NR1I2: variants seen among roughly 807,000 people sequenced by gnomAD.
The protein encoded by NR1I2 is orphan nuclear receptor PAR1.
Under a neutral mutation model 43.3 loss-of-function variants are expected in NR1I2, and 42 were observed. That is an observed-to-expected ratio of 0.97 (90% CI 0.76 to 1.26). The LOEUF is 1.26. NR1I2 is among the 50% of genes most tolerant of loss of function. The pLI is 0.00. For synonymous variants in NR1I2, 229 were observed against 215.0 expected (o/e 1.06, Z -0.57); for missense variants, 559 against 566.7 (o/e 0.99, Z 0.14).
intron 1 of NR1I2, among the ~76,000 whole-genome samples, chr3:119,806,279 G>C (rs771363281): frequency 1.3e-4 from 20 of 152,006 alleles, no homozygotes; most frequent in Admixed American, 2.0e-4. Context: ...CTTGAGTACA[G>C]CTCAATTTTT....
intron 1 of NR1I2, among the ~76,000 whole-genome samples, chr3:119,784,273 C>T (rs1577265777): frequency 3.3e-5 from 5 of 152,282 alleles, no homozygotes; most frequent in African/African-American, 1.2e-4. Context: ...CAAATGACAA[C>T]CCATTATTTC....
Position 119,815,380 on chromosome 3 carries a change from A to C in NR1I2, c.995A>C (p.Lys332Thr), listed in dbSNP as rs765294571. The change falls in exon 7 of 9, where the codon AAG becomes ACG. Residue 332 changes from lysine (K) to threonine (T), a missense_variant. Lys to Thr is a moderately conservative substitution (Grantham distance 78). This residue lies in a region of NR1I2 where 323 missense variants were observed against 312.2 expected (regional missense o/e 1.03). Coordinates refer to ENST00000393716, the MANE Select transcript of NR1I2 (RefSeq NM_003889.4). Reference sequence around the variant, plus strand: ...CTGAAATTCCACTACATGCTGAAGAAGCTGCAGCTGCATGAGGAGGAGTAT... The same window carrying C: ...CTGAAATTCCACTACATGCTGAAGACGCTGCAGCTGCATGAGGAGGAGTAT... The C allele has an allele frequency of 6.2e-7, 1 of 1,613,800 alleles. No individual in the cohort carries two copies. Among genetic ancestry groups the C allele is most frequent in the African/African-American group, 1.3e-5 (1 of 75,042 alleles).
chr3:119,817,664 C>T lies in NR1I2; in HGVS notation c.*452C>T, dbSNP rs1577289117. The T allele has an allele frequency of 1.2e-5, 13 of 1,118,766 alleles. No individual in the cohort carries two copies. The South Asian group carries it at 2.8e-4, about 24-fold the overall frequency. The allele number at this position is 1,118,766 out of a possible 1,614,324, so 69.3% of individuals were successfully genotyped here. A position where few individuals can be genotyped will look rare whatever the true frequency, so the allele number is the denominator to read the frequency against. On this transcript the variant is annotated 3_prime_UTR_variant, in exon 9 of 9. Coordinates refer to ENST00000393716, the MANE Select transcript of NR1I2 (RefSeq NM_003889.4). ...ATTGCTACCTCTAATAGTCCTGTCT[C>T]CCACTTCCCACTCGTTCCCCTCCTC...
chr3:119,811,571 C>T lies in NR1I2; in HGVS notation c.364C>T (p.Arg122Trp), dbSNP rs533749078. Residue 122 changes from arginine (R) to tryptophan (W), a missense_variant, in exon 4 of 9, where the codon CGG becomes TGG. Transcript: ENST00000393716. ...GTCCGACGAGGCCGTGGAGGAGAGG[C>T]GGGCCTTGATCAAGCGGAAGAAAAG... 6 of 1,613,462 alleles carry T rather than the reference C, an allele frequency of 3.7e-6. No individual in the cohort carries two copies. The highest frequency in any genetic ancestry group is 1.7e-5 in the Admixed American group (1 of 59,930).
At chr3:119,798,564 C>T (rs927392470) in intron 1 of NR1I2, among the ~76,000 whole-genome samples, 6 of 145,676 alleles carry the variant, frequency 4.1e-5, no homozygotes, top group African/African-American at 1.6e-4. Context: ...GGCGTGAACC[C>T]GGGGGGCGGA....
chr3:119,815,920 T>C (rs2055322407), intron 8 of NR1I2, 89 bp downstream of exon 8: 4 of 1,132,542 alleles, frequency 3.5e-6, no homozygotes, highest in Non-Finnish European at 5.2e-6. Context: ...GGCCAGAGGG[T>C]GGCATCTGGA....
At chr3:119,801,570 C>A (rs2107962428) in intron 1 of NR1I2, among the ~76,000 whole-genome samples, 1 of 152,356 alleles carries the variant, frequency 6.6e-6, no homozygotes, top group Middle Eastern at 3.4e-3. Context: ...GGGCTGGCTC[C>A]CCCATCACCA....
At chr3:119,787,580 A>G (rs2054858419) in intron 1 of NR1I2, among the ~76,000 whole-genome samples, 1 of 151,636 alleles carries the variant, frequency 6.6e-6, no homozygotes, top group Non-Finnish European at 1.5e-5. Context: ...CCTGCATCTT[A>G]GAAATTCAGT....
chr3:119,792,861 G>A (rs1003290412), intron 1 of NR1I2, among the ~76,000 whole-genome samples: 3 of 151,898 alleles, frequency 2.0e-5, no homozygotes, highest in Non-Finnish European at 4.4e-5. Context: ...GGTGACAGAG[G>A]AAGACTCCGT....
At chr3:119,804,128 T>C (rs2055118143) in intron 1 of NR1I2, among the ~76,000 whole-genome samples, 1 of 150,984 alleles carries the variant, frequency 6.6e-6, no homozygotes, top group African/African-American at 2.4e-5. Context: ...TCCCAGCACT[T>C]TGGGAGGCCA....
At chr3:119,806,253 G>A (rs2055159083) in intron 1 of NR1I2, among the ~76,000 whole-genome samples, 1 of 152,086 alleles carries the variant, frequency 6.6e-6, no homozygotes, top group Non-Finnish European at 1.5e-5. Flanking sequence ...GGTGGAAGTT[G>A]CCTGGGGAGG....
intron 1 of NR1I2, among the ~76,000 whole-genome samples, chr3:119,784,565 T>G (rs924654237): frequency 5.9e-5 from 9 of 152,224 alleles, no homozygotes; most frequent in Admixed American, 5.9e-4. Flanking sequence ...ATCTGTTAGT[T>G]TCCCTCTTTC....
chr3:119,792,493 C>T (rs2054934421), intron 1 of NR1I2: 4 of 1,078,856 alleles, frequency 3.7e-6, no homozygotes, highest in Non-Finnish European at 5.6e-6. Context: ...AGCTCTCTCG[C>T]TCTTGGAACA....
chr3:119,807,374 C>T lies in NR1I2; in HGVS notation c.124C>T (p.Arg42Cys), dbSNP rs776219511. The T allele has an allele frequency of 8.7e-6, 14 of 1,614,148 alleles. No individual in the cohort carries two copies. Among genetic ancestry groups the T allele is most frequent in the East Asian group, 4.5e-5 (2 of 44,882 alleles). ...GGAAGTCGGAGGTCCCCAAATCTGC[C>T]GTGTATGTGGGGACAAGGCCACTGG... The change falls in exon 2 of 9, where the codon CGT becomes TGT. Residue 42 changes from arginine to cysteine, a missense_variant. Physicochemically the swap from Arg to Cys is radical, Grantham distance 180. Around this residue, in one of 3 missense-constraint regions of NR1I2, gnomAD observed 232 missense variants for 236.6 expected, o/e 0.98. Coordinates refer to ENST00000393716, the MANE Select transcript of NR1I2 (RefSeq NM_003889.4).
rs2055352898 is a variant in NR1I2, at chr3:119,817,953, C to A, written c.*741C>A. 3 of 983,898 alleles carry A rather than the reference C, an allele frequency of 3.0e-6. No homozygotes were observed. The highest frequency in any genetic ancestry group is 3.6e-6 in the Non-Finnish European group (3 of 829,538). The allele number at this position is 983,898 out of a possible 1,614,324, so 60.9% of individuals were successfully genotyped here. A position where few individuals can be genotyped will look rare whatever the true frequency, so the allele number is the denominator to read the frequency against. The stretch of plus-strand genomic sequence containing the variant: ...CTCACAGAGTTTATAGTTAAAAAAA[C>A]AAACAGAAACACAAACGATTTGGAT... On this transcript the variant is annotated 3_prime_UTR_variant, in exon 9 of 9. Coordinates refer to ENST00000393716, the MANE Select transcript of NR1I2 (RefSeq NM_003889.4).
chr3:119,782,441 TCTC>T, intron 1 of NR1I2, 141 bp downstream of exon 1: 1 of 328,854 alleles, frequency 3.0e-6, no homozygotes, highest in Non-Finnish European at 5.9e-6. Flanking sequence ...CTTGCTGCTG[TCTC>T]CTCATTTCTA....
rs765529027 is a variant in NR1I2 at position 119,812,693 on chromosome 3, G to T, written c.527G>T (p.Gly176Val). 1.9e-6 allele frequency: 3 copies of T among 1,613,808 alleles called. No individual in the cohort carries two copies. The Admixed American group carries it at 5.0e-5, about 27-fold the overall frequency. Reference sequence around the variant, plus strand: ...TCCTGGCATGTGTCCTAGCTGCCAGGGGTGCTTAGCAGTGGCTGCGAGTTG... The same window carrying T: ...TCCTGGCATGTGTCCTAGCTGCCAGTGGTGCTTAGCAGTGGCTGCGAGTTG... The change falls in exon 5 of 9, where the codon GGG becomes GTG. Residue 176 changes from glycine (G) to valine (V), a missense_variant. Transcript: ENST00000393716.
chr3:119,782,931 C>A, intron 1 of NR1I2: 1 of 1,217,242 alleles, frequency 8.2e-7, no homozygotes, highest in Non-Finnish European at 1.2e-6. Flanking sequence ...TCAGTGCCAC[C>A]AGGTCCTTCT....
chr3:119,793,741 T>C (rs1030618391), intron 1 of NR1I2, among the ~76,000 whole-genome samples: 15 of 152,322 alleles, frequency 9.8e-5, no homozygotes, highest in Middle Eastern at 3.4e-3. Flanking sequence ...AGAGACCCTT[T>C]TGCCATATAA....
Sources: gnomAD v4.1 joint callset for allele counts (sites outside exome capture counted in the v4.1 genomes callset) on GRCh38, gnomAD v4.1.1 for gene constraint, gnomAD v4.1.1 regional missense constraint, MANE v1.5 for transcripts, NCBI Gene and HGNC (gene_info 2026-07-23, HGNC 2026-07-21) for gene names.